The following UGT1A3 variants were observed in gnomAD, a reference collection of about 807,000 sequenced individuals.
UGT1A3 encodes UDP glucuronosyltransferase family 1 member A3.
In UGT1A3, 31 loss-of-function variants were observed where a neutral mutation model predicts 41.0. That is an observed-to-expected ratio of 0.76 (90% CI 0.57 to 1.02). UGT1A3 has a LOEUF of 1.02. Among genes scored for constraint, UGT1A3 ranks in the 50% least tolerant of loss-of-function variants. The pLI is 0.00. For missense variants in UGT1A3, 737 were observed against 671.0 expected, an observed-to-expected ratio of 1.10 and a Z score of -1.09; for synonymous variants, 262 against 257.6, an observed-to-expected ratio of 1.02 and a Z score of -0.17.
In UGT1A3 at chr2:233,767,859, G is replaced by C. The variant is rs750453538; in HGVS notation, c.1010G>C (p.Arg337Pro). ...LGKIPQTVLWRYTGTRPSNLA... is the reference protein window; with the variant it reads ...LGKIPQTVLWPYTGTRPSNLA... Reference sequence around the variant, plus strand: ...TTTTGCCCCTCCCAGGTCCTGTGGCGGTACACTGGAACCCGACCATCGAAT... The same window carrying C: ...TTTTGCCCCTCCCAGGTCCTGTGGCCGTACACTGGAACCCGACCATCGAAT... Residue 337 changes from arginine to proline, a missense_variant, in exon 3 of 5, where the codon CGG becomes CCG. Physicochemically the swap from Arg to Pro is moderately radical, Grantham distance 103 (BLOSUM62 -2). Transcript: ENST00000482026. 6.2e-7 allele frequency: 1 copy of C among 1,613,938 alleles called. No individual in the cohort carries two copies. The highest frequency in any genetic ancestry group is 1.3e-5 in the African/African-American group (1 of 74,850).
chr2:233,748,866 G>T (rs17862876), intron 1 of UGT1A3, among the ~76,000 whole-genome samples: 1,756 of 151,560 alleles, frequency 0.012, 18 homozygotes, highest in Non-Finnish European at 0.019. Flanking sequence ...AGTTAAGCTG[G>T]GGACGGTGAT....
At chr2:233,756,025 C>T (rs1696093592) in intron 1 of UGT1A3, 1 of 152,194 alleles carries the variant, frequency 6.6e-6, no homozygotes, top group African/African-American at 2.4e-5. Context: ...TTACACATCC[C>T]CCATGTAGCT....
chr2:233,743,581 A>C lies in UGT1A3; in HGVS notation c.867+13588A>C, dbSNP rs28900376. 32 of 1,367,320 alleles carry C rather than the reference A, an allele frequency of 2.3e-5. No individual in the cohort carries two copies. The East Asian group carries it at 4.1e-4, about 17-fold the overall frequency. 84.7% of individuals were successfully genotyped at this position (1,367,320 alleles called of 1,614,324 possible). Reference sequence around the variant, plus strand: ...TCTCCAGCGGGTTTCCCAAGAGGTCAAAGGAGAATGGGTCCTGGCCGCCGA... The same window carrying C: ...TCTCCAGCGGGTTTCCCAAGAGGTCCAAGGAGAATGGGTCCTGGCCGCCGA... On this transcript the variant is annotated intron_variant, in intron 1 of 4. Transcript: ENST00000482026.
chr2:233,767,294 T>C, intron 2 of UGT1A3, 129 bp downstream of exon 2: 2 of 1,552,282 alleles, frequency 1.3e-6, no homozygotes, highest in Non-Finnish European at 1.7e-6. Context: ...TTCCCAACTA[T>C]TAATCCAAAG....
chr2:233,743,880 G>C (rs754311427), intron 1 of UGT1A3: 1 of 1,366,528 alleles, frequency 7.3e-7, no homozygotes, highest in South Asian at 1.1e-5. Flanking sequence ...GATGAGGCCT[G>C]CCGGGGCACG....
At chr2:233,763,225 G>A (rs537625266) in intron 1 of UGT1A3, among the ~76,000 whole-genome samples, 20 of 152,258 alleles carry the variant, frequency 1.3e-4, no homozygotes, top group African/African-American at 4.3e-4. Context: ...GTGAAAATAT[G>A]TTTTTAAATT....
At chr2:233,747,134 C>G (rs1693570015) in intron 1 of UGT1A3, 6 of 1,538,798 alleles carry the variant, frequency 3.9e-6, no homozygotes, top group Non-Finnish European at 5.3e-6. Flanking sequence ...GGCTCAGTGA[C>G]AAGGTAATTA....
At position 233,769,321 on chromosome 2, in the gene UGT1A3, T is replaced by C. The variant is rs571873884; in HGVS notation, c.1307+882T>C. Among the ~76,000 whole-genome samples, 2 of 152,374 alleles carry C rather than the reference T, an allele frequency of 1.3e-5. No individual in the cohort carries two copies. The highest frequency in any genetic ancestry group is 4.1e-4 in the South Asian group (2 of 4,830). ...AGTATATTACTGTCAAGCTCACTGG[T>C]AATAGGCTTATTAGAACCTTATGGG... On this transcript the variant is annotated intron_variant, in intron 4 of 4. Coordinates refer to ENST00000482026, the MANE Select transcript of UGT1A3 (RefSeq NM_019093.4). The surrounding 1 kb of genome is among the most constrained non-coding windows in gnomAD (Gnocchi z 4.4).
At chr2:233,752,950 A>G (rs1198772139) in intron 1 of UGT1A3, among the ~76,000 whole-genome samples, 1 of 152,220 alleles carries the variant, frequency 6.6e-6, no homozygotes, top group Non-Finnish European at 1.5e-5. Context: ...ACCACTGAAC[A>G]ATGGGATTTA....
chr2:233,755,915 AGTGGC>A (rs1696065119), intron 1 of UGT1A3: 1 of 150,558 alleles, frequency 6.6e-6, no homozygotes, highest in Non-Finnish European at 1.5e-5. Flanking sequence ...TAGTGAGAAG[AGTGGC>A]ATCGTTTTAC....
chr2:233,756,814 A>G (rs985210538), intron 1 of UGT1A3, among the ~76,000 whole-genome samples: 39 of 152,110 alleles, frequency 2.6e-4, no homozygotes, highest in Admixed American at 5.2e-4. Flanking sequence ...AGGTCACTCA[A>G]TTCCAAGGGG....
intron 1 of UGT1A3, among the ~76,000 whole-genome samples, chr2:233,739,812 GT>G (rs957981819): frequency 5.3e-5 from 8 of 152,020 alleles, no homozygotes; most frequent in African/African-American, 1.9e-4. Context: ...GGCATGATTG[GT>G]TTTTAAATGT....
At chr2:233,745,811 G>C (rs148112408) in intron 1 of UGT1A3, among the ~76,000 whole-genome samples, 1 of 151,496 alleles carries the variant, frequency 6.6e-6, no homozygotes, top group East Asian at 1.9e-4. Flanking sequence ...CCAGAGTTTT[G>C]AGAGCAAGGC....
At chr2:233,742,158 AC>A (rs1177147410) in intron 1 of UGT1A3, among the ~76,000 whole-genome samples, 1 of 151,894 alleles carries the variant, frequency 6.6e-6, no homozygotes, top group Non-Finnish European at 1.5e-5. Flanking sequence ...CGAATTAAAG[AC>A]ACACACACAG....
Position 233,730,011 on chromosome 2 carries a change from C to T in UGT1A3, c.867+18C>T, listed in dbSNP as rs762436427. On this transcript the variant is annotated intron_variant, in intron 1 of 4. Transcript: ENST00000482026. ...TATCTCAGGTCTGTATTGGTGCCTT[C>T]ATCCAATCAATGTTCCAGGCAAAAC... The T allele has an allele frequency of 1.9e-5, 31 of 1,613,760 alleles. No homozygotes were observed. The highest frequency in any genetic ancestry group is 2.4e-5 in the Non-Finnish European group (28 of 1,179,886).
intron 1 of UGT1A3, among the ~76,000 whole-genome samples, chr2:233,756,899 G>C (rs917423369): frequency 1.6e-4 from 25 of 152,034 alleles, no homozygotes; most frequent in African/African-American, 5.8e-4. Context: ...TATCTCACCA[G>C]AACAAACTTC....
At chr2:233,764,492 C>G (rs1698575712) in intron 1 of UGT1A3, among the ~76,000 whole-genome samples, 1 of 152,096 alleles carries the variant, frequency 6.6e-6, no homozygotes, top group African/African-American at 2.4e-5. Context: ...TGTTTATGGA[C>G]CTGTGGGTTC....
At chr2:233,752,573 T>C (rs1337077118) in intron 1 of UGT1A3, 4 of 152,170 alleles carry the variant, frequency 2.6e-5, no homozygotes, top group Admixed American at 2.6e-4. Flanking sequence ...TGGGTCAACA[T>C]CATTCCCATC....
chr2:233,767,889 C>T lies in UGT1A3; in HGVS notation c.1040C>T (p.Ala347Val), dbSNP rs201372184. The change falls in exon 3 of 5, where the codon GCG becomes GTG. Residue 347 changes from alanine (A) to valine (V), a missense_variant. Ala to Val is a moderately conservative substitution (Grantham distance 64). Transcript: ENST00000482026. The part of the protein sequence containing the change: ...RYTGTRPSNL[A>V]NNTILVKWLP... Reference sequence around the variant, plus strand: ...ACTGGAACCCGACCATCGAATCTTGCGAACAACACGATACTTGTTAAGTGG... The same window carrying T: ...ACTGGAACCCGACCATCGAATCTTGTGAACAACACGATACTTGTTAAGTGG... 8.3e-5 allele frequency: 134 copies of T among 1,614,018 alleles called. No homozygotes were observed. Among genetic ancestry groups the T allele is most frequent in the Middle Eastern group, 1.6e-4 (1 of 6,084 alleles).
Sources: allele counts gnomAD v4.1 joint callset (sites outside exome capture counted in the v4.1 genomes callset), GRCh38; gene constraint gnomAD v4.1.1; non-coding constraint Gnocchi (gnomAD v3.1); transcripts MANE v1.5; gene names NCBI Gene and HGNC (gene_info 2026-07-23, HGNC 2026-07-21).